Variants in CCDC175 observed in about 807,000 individuals in gnomAD.
The protein encoded by CCDC175 is coiled-coil domain-containing protein 175.
Under a neutral mutation model 114.6 loss-of-function variants are expected in CCDC175, and 100 were observed. That is an observed-to-expected ratio of 0.87 (90% CI 0.74 to 1.03). The LOEUF (loss-of-function observed/expected upper bound fraction) is 1.03, where lower values mean the gene tolerates loss of function less well. CCDC175 is among the 50% of genes least tolerant of loss of function. The pLI is 0.00. For synonymous variants in CCDC175, 306 were observed against 308.7 expected, an observed-to-expected ratio of 0.99 and a Z score of 0.09; for missense variants, 880 against 917.8, an observed-to-expected ratio of 0.96 and a Z score of 0.53.
intron 14 of CCDC175, among the ~76,000 whole-genome samples, chr14:59,530,242 C>T (rs1448053811): frequency 2.0e-5 from 3 of 151,750 alleles, no homozygotes; most frequent in African/African-American, 7.3e-5. Flanking sequence ...TGGCGCACAC[C>T]TGTAATCCCA....
chr14:59,505,721 G>A (rs1892322685), intron 19 of CCDC175, among the ~76,000 whole-genome samples: 1 of 152,136 alleles, frequency 6.6e-6, no homozygotes, highest in Non-Finnish European at 1.5e-5. Context: ...GTGGTCATAA[G>A]AAATTTAAAA....
intron 18 of CCDC175, 82 bp downstream of exon 18, chr14:59,511,678 A>G: frequency 8.5e-7 from 1 of 1,179,076 alleles, no homozygotes; most frequent in South Asian, 1.3e-5. Context: ...ACAGACACAA[A>G]AGCACACACA....
intron 17 of CCDC175, among the ~76,000 whole-genome samples, chr14:59,516,381 C>G (rs912483099): frequency 1.3e-4 from 20 of 152,072 alleles, no homozygotes; most frequent in Non-Finnish European, 5.9e-5. Context: ...AATCCAGGAG[C>G]TGGTTTTTTG....
Position 59,574,972 on chromosome 14 carries a change from T to G in CCDC175, c.214A>C (p.Lys72Gln), listed in dbSNP as rs1897029400. 1.3e-6 allele frequency: 2 copies of G among 1,515,736 alleles called. No individual in the cohort carries two copies. The highest frequency in any genetic ancestry group is 1.8e-6 in the Non-Finnish European group (2 of 1,131,336). 93.9% of individuals were successfully genotyped at this position (1,515,736 alleles called of 1,614,324 possible). The change falls in exon 2 of 20, where the codon AAG becomes CAG. Residue 72 changes from lysine to glutamine, a missense_variant. By Grantham distance (53) the Lys-to-Gln change is moderately conservative. Coordinates refer to ENST00000537690, the MANE Select transcript of CCDC175 (RefSeq NM_001164399.2). ...KCNEEAKIFL[K>Q]DIAVAVKKLE... ...TTCTTAACAGCTACAGCAATGTCCT[T>G]AAGAAAGATCTTAGCTTCTTCATTA...
chr14:59,538,191 G>A (rs1316766444), intron 12 of CCDC175, 37 bp from the exon 13 acceptor site: 1 of 1,507,318 alleles, frequency 6.6e-7, no homozygotes, highest in East Asian at 2.5e-5. Flanking sequence ...CATTTCTCTT[G>A]TAGTGATCAG....
chr14:59,564,454 G>T (rs72714032), intron 5 of CCDC175: 297 of 153,980 alleles, frequency 1.9e-3, no homozygotes, highest in Middle Eastern at 3.4e-3. Context: ...GAACAAGGAA[G>T]AAACAATCAT....
intron 8 of CCDC175, among the ~76,000 whole-genome samples, chr14:59,549,889 T>A (rs1270763009): frequency 1.3e-5 from 2 of 152,006 alleles, no homozygotes; most frequent in African/African-American, 2.4e-5. Flanking sequence ...GTATAAGTAA[T>A]TAAATGGGAT....
At chr14:59,518,775 C>G (rs1476922660) in intron 17 of CCDC175, among the ~76,000 whole-genome samples, 1 of 152,062 alleles carries the variant, frequency 6.6e-6, no homozygotes, top group Admixed American at 6.5e-5. Context: ...CCTCAGGGAT[C>G]TAGAACTAGA....
At position 59,510,778 on chromosome 14, in the gene CCDC175, G is replaced by T; in HGVS notation, c.2173C>A (p.Gln725Lys). The change falls in exon 19 of 20, where the codon CAA becomes AAA. Residue 725 changes from glutamine to lysine, a missense_variant. Coordinates refer to ENST00000537690, the MANE Select transcript of CCDC175 (RefSeq NM_001164399.2). Reference sequence around the variant, plus strand: ...TTGTCTGTTAGATTGTTTATGTCTTGCAAGGTCTCTTCACCATTGTCCACC... The same window carrying T: ...TTGTCTGTTAGATTGTTTATGTCTTTCAAGGTCTCTTCACCATTGTCCACC... Reference protein sequence around the residue: ...ILVDNGEETLQDINNLTDKLR... With the variant: ...ILVDNGEETLKDINNLTDKLR... 6.5e-7 allele frequency: 1 copy of T among 1,537,172 alleles called. No individual in the cohort carries two copies. Among genetic ancestry groups the T allele is most frequent in the Non-Finnish European group, 8.7e-7 (1 of 1,146,828 alleles).
At chr14:59,523,968 G>A (rs1044606269) in intron 16 of CCDC175, among the ~76,000 whole-genome samples, 57 of 150,812 alleles carry the variant, frequency 3.8e-4, no homozygotes, top group African/African-American at 1.3e-3. Flanking sequence ...CAGCCTGGGC[G>A]ACAGAGCAAG....
chr14:59,576,497 T>C, intron 1 of CCDC175, 122 bp downstream of exon 1: 1 of 959,274 alleles, frequency 1.0e-6, no homozygotes, highest in South Asian at 2.9e-5. Context: ...GGGAGAAGGC[T>C]CTGCCCTGCC....
intron 13 of CCDC175, among the ~76,000 whole-genome samples, chr14:59,535,863 G>T (rs1894362552): frequency 6.6e-6 from 1 of 152,196 alleles, no homozygotes; most frequent in Non-Finnish European, 1.5e-5. Context: ...CCAATAGTTG[G>T]CTCCTTCAGG....
chr14:59,554,065 A>C lies in CCDC175; in HGVS notation c.954-2629T>G, dbSNP rs543164821. On this transcript the variant is annotated intron_variant, in intron 7 of 19. Coordinates refer to ENST00000537690, the MANE Select transcript of CCDC175 (RefSeq NM_001164399.2). ...ACATTAGACAGATCAATGAGACAGA[A>C]ACTTAACAAGGATATCCAGGAATTG... Among the ~76,000 whole-genome samples the C allele has an allele frequency of 2.0e-5, 3 of 152,338 alleles. No individual in the cohort carries two copies. The South Asian group carries it at 6.2e-4, about 32-fold the overall frequency.
rs1270949018 is a variant in CCDC175 at position 59,527,112 on chromosome 14, T to C, written c.1825A>G (p.Arg609Gly). Residue 609 changes from arginine (R) to glycine (G), a missense_variant, in exon 15 of 20, where the codon AGA (arginine) becomes GGA (glycine). Arg to Gly is a moderately radical substitution (Grantham distance 125). Coordinates refer to ENST00000537690, the MANE Select transcript of CCDC175 (RefSeq NM_001164399.2). ...HIFLFTRDFSRYISNMEDVKQ... is the reference protein window; with the variant it reads ...HIFLFTRDFSGYISNMEDVKQ... ...TCTTTTACCATGTTGCTAATGTATC[T>C]TGAAAAGTCCCTTGTAAACAGAAAA... The C allele has an allele frequency of 2.7e-6, 4 of 1,478,216 alleles. No individual in the cohort carries two copies. The highest frequency in any genetic ancestry group is 2.6e-5 in the East Asian group (1 of 38,734). 91.6% of individuals were successfully genotyped at this position (1,478,216 alleles called of 1,614,324 possible). A position where few individuals can be genotyped will look rare whatever the true frequency, so the allele number is the denominator to read the frequency against.
At chr14:59,541,090 T>C (rs1006759765) in intron 10 of CCDC175, among the ~76,000 whole-genome samples, 1 of 152,150 alleles carries the variant, frequency 6.6e-6, no homozygotes, top group Non-Finnish European at 1.5e-5. Flanking sequence ...GTGTCATCAT[T>C]TGCAAATACA....
At chr14:59,517,980 G>C (rs939206476) in intron 17 of CCDC175, among the ~76,000 whole-genome samples, 11 of 152,166 alleles carry the variant, frequency 7.2e-5, no homozygotes, top group Admixed American at 3.9e-4. Flanking sequence ...GAGATATAGA[G>C]CAATGGAACC....
At chr14:59,563,585 T>C (rs1896350659) in intron 6 of CCDC175, among the ~76,000 whole-genome samples, 152 bp downstream of exon 6, 1 of 152,052 alleles carries the variant, frequency 6.6e-6, no homozygotes, top group South Asian at 2.1e-4. Context: ...GAAACCACAA[T>C]TGCACCATAA....
intron 6 of CCDC175, 45 bp downstream of exon 6, chr14:59,563,692 T>TTTAA (rs1360864953): frequency 1.1e-5 from 13 of 1,191,094 alleles, no homozygotes; most frequent in Non-Finnish European, 1.2e-5. Context: ...TTTATTGAGG[T>TTTAA]GCCTAGATAA....
At chr14:59,556,259 A>G (rs1248642055) in intron 7 of CCDC175, among the ~76,000 whole-genome samples, 3 of 152,214 alleles carry the variant, frequency 2.0e-5, no homozygotes, top group Admixed American at 1.3e-4. Flanking sequence ...GTACCAAAAC[A>G]GAGATGTAGA....
Sources: allele counts gnomAD v4.1 joint callset (sites outside exome capture counted in the v4.1 genomes callset), GRCh38; gene constraint gnomAD v4.1.1; transcripts MANE v1.5; gene names NCBI Gene and HGNC (gene_info 2026-07-23, HGNC 2026-07-21).